GPC5: variants seen among roughly 807,000 people sequenced by gnomAD.
GPC5 encodes glypican 5.
GPC5 carries 47 observed loss-of-function variants against 53.9 expected under a neutral mutation model. That is an observed-to-expected ratio of 0.87 (90% CI 0.69 to 1.11). The LOEUF (loss-of-function observed/expected upper bound fraction) is 1.11. Among genes scored for constraint, GPC5 ranks in the 50% most tolerant of loss-of-function variants. The pLI, the probability that GPC5 is intolerant of heterozygous loss-of-function variation, is 0.00. For missense variants in GPC5, 748 were observed against 713.1 expected, an observed-to-expected ratio of 1.05 and a Z score of -0.56; for synonymous variants, 286 against 263.3, an observed-to-expected ratio of 1.09 and a Z score of -0.84.
chr13:91,619,698 T>A (rs2033800505), intron 2 of GPC5, among the ~76,000 whole-genome samples: 1 of 152,084 alleles, frequency 6.6e-6, no homozygotes. Context: ...TGTATAAGAA[T>A]GTGTGAAATG....
rs1594122305 is a variant in GPC5, at chr13:92,349,628, T to A, written c.1561+204639T>A. ...ACTATTATAAATATATAGCGACAAA[T>A]TGGATAACCCAGAAGAAATGAATAT... On this transcript the variant is annotated intron_variant, in intron 7 of 7. Coordinates refer to ENST00000377067, the MANE Select transcript of GPC5 (RefSeq NM_004466.6). Among the ~76,000 whole-genome samples the A allele has an allele frequency of 3.9e-5, 6 of 151,900 alleles. No homozygotes were observed. The South Asian group carries it at 8.3e-4, about 21-fold the overall frequency.
At chr13:92,561,710 A>T (rs369098504) in intron 7 of GPC5, among the ~76,000 whole-genome samples, 3 of 152,040 alleles carry the variant, frequency 2.0e-5, no homozygotes, top group Admixed American at 6.6e-5. Flanking sequence ...TTGTCTTCAT[A>T]TTAGAAAGGT....
intron 3 of GPC5, among the ~76,000 whole-genome samples, chr13:91,709,455 T>C (rs1035110403): frequency 2.6e-5 from 4 of 152,130 alleles, no homozygotes; most frequent in Non-Finnish European, 5.9e-5. Flanking sequence ...CATTCGGTCT[T>C]CTCTCATGAC....
At chr13:92,187,640 A>T (rs1464626845) in intron 7 of GPC5, among the ~76,000 whole-genome samples, 1 of 152,224 alleles carries the variant, frequency 6.6e-6, no homozygotes, top group African/African-American at 2.4e-5. Flanking sequence ...ATTATTCAAC[A>T]ATCTAGAAAG....
rs113003113 is a variant in GPC5, at chr13:91,846,084, G to A, written c.1281-61853G>A. ...CTATGCAAATTAAATGAACATATGG[G>A]ACACTTTCTTTGCAGAAAGAGTTGT... On this transcript the variant is annotated intron_variant, in intron 5 of 7. Coordinates refer to ENST00000377067, the MANE Select transcript of GPC5 (RefSeq NM_004466.6). Among the ~76,000 whole-genome samples the A allele has an allele frequency of 6.6e-3, 1,009 of 152,204 alleles. 12 individuals carry two copies. Among genetic ancestry groups the A allele is most frequent in the African/African-American group, 0.023 (957 of 41,548 alleles).
intron 7 of GPC5, among the ~76,000 whole-genome samples, chr13:92,441,100 C>G (rs914601039): frequency 6.6e-6 from 1 of 151,970 alleles, no homozygotes; most frequent in Non-Finnish European, 1.5e-5. Flanking sequence ...GAGACAAAGT[C>G]TCATTTTGTG....
chr13:92,637,357 T>G (rs550391165), intron 7 of GPC5, among the ~76,000 whole-genome samples: 2 of 152,194 alleles, frequency 1.3e-5, no homozygotes, highest in African/African-American at 4.8e-5. Context: ...ATGTACAGAT[T>G]TATTGAATCT....
intron 7 of GPC5, among the ~76,000 whole-genome samples, chr13:92,521,832 G>A (rs1281266303): frequency 6.6e-6 from 1 of 152,096 alleles, no homozygotes; most frequent in Non-Finnish European, 1.5e-5. Flanking sequence ...CCATCAGAGT[G>A]AACAGGCAAC....
intron 6 of GPC5, among the ~76,000 whole-genome samples, chr13:92,134,581 A>C (rs942208034): frequency 6.6e-6 from 1 of 152,148 alleles, no homozygotes; most frequent in African/African-American, 2.4e-5. Context: ...AATAAAATTG[A>C]AAAATAATGA....
intron 7 of GPC5, among the ~76,000 whole-genome samples, chr13:92,726,830 GATA>G (rs925330467): frequency 4.6e-5 from 7 of 151,466 alleles, no homozygotes; most frequent in African/African-American, 1.7e-4. Context: ...CTTCTGTGAA[GATA>G]ATAAGTACTC....
At position 92,485,944 on chromosome 13, in the gene GPC5, C is replaced by T. The variant is rs192376461; in HGVS notation, c.1561+340955C>T. Among the ~76,000 whole-genome samples, 477 of 152,084 alleles carry T rather than the reference C, an allele frequency of 3.1e-3. 2 individuals are homozygous for T. The highest frequency in any genetic ancestry group is 0.011 in the African/African-American group (462 of 41,480). On this transcript the variant is annotated intron_variant, in intron 7 of 7. Coordinates refer to ENST00000377067, the MANE Select transcript of GPC5 (RefSeq NM_004466.6). ...TGGTGCCATTGCACTCCAGCCTGGG[C>T]GACAAGAGCAAAACTCTGTCTCAAA...
intron 5 of GPC5, among the ~76,000 whole-genome samples, chr13:91,823,725 C>T (rs1381499965): frequency 1.3e-5 from 2 of 152,070 alleles, no homozygotes; most frequent in African/African-American, 4.8e-5. Flanking sequence ...TGCTATAAAA[C>T]AGTGAGTGCT....
intron 6 of GPC5, among the ~76,000 whole-genome samples, chr13:91,970,555 TTAAG>T (rs1251801883): frequency 2.6e-5 from 4 of 152,072 alleles, no homozygotes; most frequent in African/African-American, 9.7e-5. Context: ...ATTGTCTGCA[TTAAG>T]TAACACAGTT....
intron 7 of GPC5, among the ~76,000 whole-genome samples, chr13:92,157,556 TA>T (rs1335940358): frequency 6.6e-6 from 1 of 152,316 alleles, no homozygotes; most frequent in East Asian, 1.9e-4. Context: ...CTGGAAGATT[TA>T]AATCTCAAAT....
intron 7 of GPC5, among the ~76,000 whole-genome samples, chr13:92,279,408 A>T (rs940788011): frequency 1.3e-4 from 20 of 152,184 alleles, no homozygotes; most frequent in Middle Eastern, 3.4e-3. Context: ...ATATTGTTTA[A>T]TATAGAAAAT....
intron 7 of GPC5, among the ~76,000 whole-genome samples, chr13:92,466,863 G>A (rs1369400309): frequency 1.3e-5 from 2 of 152,060 alleles, no homozygotes; most frequent in Non-Finnish European, 2.9e-5. Context: ...AAACAATCCC[G>A]ATGTATTCAG....
chr13:92,626,076 T>C (rs1329946279), intron 7 of GPC5, among the ~76,000 whole-genome samples: 1 of 152,264 alleles, frequency 6.6e-6, no homozygotes, highest in Non-Finnish European at 1.5e-5. Context: ...TCAATTGAAG[T>C]AAATCATTTA....
intron 3 of GPC5, among the ~76,000 whole-genome samples, chr13:91,726,225 C>A (rs182708882): frequency 5.3e-5 from 8 of 152,322 alleles, no homozygotes; most frequent in Admixed American, 2.6e-4. Flanking sequence ...TTGCCCGGCC[C>A]TGTTGACTTT....
At chr13:91,776,441 A>T (rs529925204) in intron 5 of GPC5, among the ~76,000 whole-genome samples, 1 of 152,210 alleles carries the variant, frequency 6.6e-6, no homozygotes, top group African/African-American at 2.4e-5. Flanking sequence ...TAATTAGAGT[A>T]GAGAACATTA....
Sources: gnomAD v4.1 joint callset for allele counts (sites outside exome capture counted in the v4.1 genomes callset) on GRCh38, gnomAD v4.1.1 for gene constraint, MANE v1.5 for transcripts, NCBI Gene and HGNC (gene_info 2026-07-23, HGNC 2026-07-21) for gene names.